CFAP74: variants seen among roughly 807,000 people sequenced by gnomAD.
CFAP74 encodes the protein cilia- and flagella-associated protein 74.
A neutral mutation model predicts 188.9 loss-of-function variants in CFAP74; 124 were observed. The ratio of observed to expected loss-of-function variants is 0.66; its 90% CI spans 0.57 to 0.76. The LOEUF is 0.76. Ranked by LOEUF, CFAP74 falls within the 30% of genes least tolerant of loss-of-function variation. The pLI, the probability that CFAP74 is intolerant of heterozygous loss-of-function variation, is 0.00. For synonymous variants in CFAP74, 956 were observed against 916.7 expected (o/e 1.04, Z -0.77); for missense variants, 2,198 against 2,165.2 (o/e 1.02, Z -0.30).
At chr1:1,984,954 G>A (rs558345618) in intron 6 of CFAP74, 180 of 175,732 alleles carry the variant, frequency 1.0e-3, no homozygotes, top group Middle Eastern at 2.7e-3. Flanking sequence ...GTCAGCTCAG[G>A]GTCCCCTCAG....
At chr1:1,987,263 T>C (rs149770331) in intron 4 of CFAP74, among the ~76,000 whole-genome samples, 1,729 of 152,300 alleles carry the variant, frequency 0.011, 18 homozygotes, top group Non-Finnish European at 0.018. Context: ...GAAGGTGACA[T>C]GCTCCCCAGG....
In CFAP74 at chr1:1,923,663, C is replaced by T; in HGVS notation, c.4389+112G>A. 1.3e-6 allele frequency: 2 copies of T among 1,550,474 alleles called. No individual in the cohort carries two copies. Among genetic ancestry groups the T allele is most frequent in the Non-Finnish European group, 1.8e-6 (2 of 1,130,932 alleles). ...GACGGCCCTCAGTGTGGTGCTGAGT[C>T]CCCCAGCCATGGTACCCTCAGGGCC... On this transcript the variant is annotated intron_variant, in intron 35 of 38. Transcript: ENST00000682832. The surrounding 1 kb of genome is among the most constrained non-coding windows in gnomAD (Gnocchi z 6.3).
chr1:1,940,179 C>G (rs745426631), intron 23 of CFAP74, 137 bp downstream of exon 23: 4 of 699,382 alleles, frequency 5.7e-6, no homozygotes, highest in Non-Finnish European at 9.6e-6. Context: ...GCCCCTCTGG[C>G]CGCTAGACGC....
chr1:1,960,894 G>T (rs1655043133), intron 14 of CFAP74, among the ~76,000 whole-genome samples: 1 of 152,228 alleles, frequency 6.6e-6, no homozygotes, highest in South Asian at 2.1e-4. Context: ...GATGACAGAA[G>T]CGTGGAGTGG....
intron 21 of CFAP74, among the ~76,000 whole-genome samples, chr1:1,943,845 G>A (rs781559789): frequency 2.6e-5 from 4 of 152,240 alleles, no homozygotes; most frequent in African/African-American, 4.8e-5. Flanking sequence ...GGGCAGGGCC[G>A]TGCCCTTGTG....
intron 25 of CFAP74, among the ~76,000 whole-genome samples, chr1:1,931,612 C>T (rs1459500422): frequency 6.7e-6 from 1 of 149,004 alleles, no homozygotes. Context: ...TGGCGGGCGC[C>T]TGTAGTCCCA....
intron 11 of CFAP74, among the ~76,000 whole-genome samples, chr1:1,966,910 C>A (rs28414188): frequency 6.6e-6 from 1 of 150,832 alleles, no homozygotes; most frequent in Non-Finnish European, 1.5e-5. Flanking sequence ...GATCTCAGCT[C>A]ACTGCAACTT....
chr1:1,927,473 C>T lies in CFAP74; in HGVS notation c.3527+134G>A, dbSNP rs1037510663. 3.1e-5 allele frequency: 27 copies of T among 864,088 alleles called. No homozygotes were observed. In the African/African-American group the frequency reaches 4.4e-4, roughly 14 times the overall value. 53.5% of individuals were successfully genotyped at this position (864,088 alleles called of 1,614,324 possible). On this transcript the variant is annotated intron_variant, in intron 28 of 38. Transcript: ENST00000682832. The stretch of plus-strand genomic sequence containing the variant: ...AGGCAGCACCTGGATCCAGCTGTGT[C>T]TGAAGGCATCAGTCCTTCCAGCCAC...
At chr1:1,991,971 C>T (rs111875743) in intron 1 of CFAP74, among the ~76,000 whole-genome samples, 63 of 150,418 alleles carry the variant, frequency 4.2e-4, no homozygotes, top group African/African-American at 1.5e-3. Flanking sequence ...ACCCAGGAGG[C>T]GGAGCTTGCA....
At chr1:1,929,741 C>T (rs1457611329) in intron 26 of CFAP74, among the ~76,000 whole-genome samples, 3 of 151,886 alleles carry the variant, frequency 2.0e-5, no homozygotes, top group African/African-American at 7.3e-5. Flanking sequence ...AGGGACTACA[C>T]AGCCTTCCCC....
chr1:1,940,860 C>A (rs1653318813), intron 22 of CFAP74, among the ~76,000 whole-genome samples: 1 of 152,224 alleles, frequency 6.6e-6, no homozygotes, highest in Non-Finnish European at 1.5e-5. Flanking sequence ...CGCCTGTAAT[C>A]CCAGCACTTT....
rs138878304 is a variant in CFAP74, at chr1:1,991,466, G to A, written c.-19-491C>T. Among the ~76,000 whole-genome samples the A allele has an allele frequency of 6.2e-3, 947 of 152,274 alleles. 5 individuals are homozygous for A. The highest frequency in any genetic ancestry group is 0.012 in the South Asian group (57 of 4,824). Reference sequence around the variant, plus strand: ...ATGAAATACAACATTAGCTGGGTGTGGTGGCGCATGCCTATAATCCCAGCT... The same window carrying A: ...ATGAAATACAACATTAGCTGGGTGTAGTGGCGCATGCCTATAATCCCAGCT... On this transcript the variant is annotated intron_variant, in intron 1 of 38. Transcript: ENST00000682832.
At position 1,985,415 on chromosome 1, in the gene CFAP74, C is replaced by T. The variant is rs370515060; in HGVS notation, c.471G>A (p.Ser157=). The T allele has an allele frequency of 2.9e-5, 47 of 1,614,078 alleles. No individual in the cohort carries two copies. The highest frequency in any genetic ancestry group is 1.9e-4 in the African/African-American group (14 of 75,080). ...TCTCCTTCAGCACGGCCTCAGTCCTCGACTGCAGGTCTCTCTCGTTCTCCA... is the reference window on the plus strand; with the variant it reads ...TCTCCTTCAGCACGGCCTCAGTCCTTGACTGCAGGTCTCTCTCGTTCTCCA... The part of the protein sequence containing the change: ...AELENERDLQ[S]RTEAVLKESE... The change falls in exon 6 of 39, where the codon TCG becomes TCA. Residue 157 remains serine (S), a synonymous_variant. Transcript: ENST00000682832.
intron 12 of CFAP74, among the ~76,000 whole-genome samples, chr1:1,965,813 G>A (rs1655428014): frequency 6.6e-6 from 1 of 152,216 alleles, no homozygotes; most frequent in Non-Finnish European, 1.5e-5. Context: ...CTTTTGCCCT[G>A]ACAGTAGAGG....
At chr1:1,971,131 A>G (rs1343270626) in intron 9 of CFAP74, among the ~76,000 whole-genome samples, 2 of 149,638 alleles carry the variant, frequency 1.3e-5, no homozygotes, top group African/African-American at 5.0e-5. Context: ...TCACACGTGC[A>G]CACACATGCT....
intron 18 of CFAP74, among the ~76,000 whole-genome samples, chr1:1,948,209 C>T (rs963953655): frequency 3.9e-5 from 6 of 152,072 alleles, no homozygotes; most frequent in Non-Finnish European, 8.8e-5. Flanking sequence ...GGTGCGGCTG[C>T]CTCAGGAGTC....
At chr1:1,928,710 T>C in intron 27 of CFAP74, 74 bp downstream of exon 27, 2 of 1,155,256 alleles carry the variant, frequency 1.7e-6, no homozygotes, top group South Asian at 1.4e-5. Context: ...CCCCCAGGAC[T>C]CGAAGGCGGT....
chr1:1,988,723 G>A, intron 3 of CFAP74, 68 bp from the exon 4 acceptor site: 9 of 1,579,622 alleles, frequency 5.7e-6, no homozygotes, highest in Non-Finnish European at 7.7e-6. Context: ...CCTCGGTGTG[G>A]CTGCCGGGGT....
Position 1,968,669 on chromosome 1 carries a change from T to C in CFAP74, c.1211A>G (p.Lys404Arg). Residue 404 changes from lysine (K) to arginine (R), a missense_variant, in exon 11 of 39, where the codon AAG becomes AGG. Coordinates refer to ENST00000682832, the MANE Select transcript of CFAP74 (RefSeq NM_001304360.2). This position sits in a 1 kb window ranked among gnomAD's most constrained non-coding sequence, Gnocchi z 4.3. ...KTWNYISDFC[K>R]KTTVPTNTYT... ...CGTGTTGGTTGGGACTGTGGTCTTC[T>C]TGCAAAAGTCAGAAATGTAGTTCCA... 1 of 1,613,868 alleles carries C rather than the reference T, an allele frequency of 6.2e-7. No homozygotes were observed. The highest frequency in any genetic ancestry group is 8.5e-7 in the Non-Finnish European group (1 of 1,179,892).
Sources: allele counts gnomAD v4.1 joint callset (sites outside exome capture counted in the v4.1 genomes callset), GRCh38; gene constraint gnomAD v4.1.1; non-coding constraint Gnocchi (gnomAD v3.1); transcripts MANE v1.5; gene names NCBI Gene and HGNC (gene_info 2026-07-23, HGNC 2026-07-21).